Variants in MAML2 observed in about 807,000 individuals in gnomAD.
The protein encoded by MAML2 is mastermind like transcriptional coactivator 2.
MAML2 carries 22 observed loss-of-function variants against 96.1 expected under a neutral mutation model. The observed-to-expected ratio is 0.23, with a 90% CI of 0.16 to 0.33. The LOEUF (loss-of-function observed/expected upper bound fraction) is 0.33. Ranked by LOEUF, MAML2 falls within the 10% of genes least tolerant of loss-of-function variation. The pLI is 1.00. For missense variants in MAML2, 1,367 were observed against 1,392.4 expected, an observed-to-expected ratio of 0.98 and a Z score of 0.29; for synonymous variants, 561 against 521.3, an observed-to-expected ratio of 1.08 and a Z score of -1.04.
intron 2 of MAML2, among the ~76,000 whole-genome samples, chr11:96,063,150 A>G (rs1305797612): frequency 6.6e-6 from 1 of 151,952 alleles, no homozygotes; most frequent in Non-Finnish European, 1.5e-5. Context: ...CCTTGCACGC[A>G]TTGCTCCTTG....
intron 2 of MAML2, among the ~76,000 whole-genome samples, chr11:96,030,834 G>T (rs1285193059): frequency 6.6e-6 from 1 of 152,162 alleles, no homozygotes; most frequent in East Asian, 1.9e-4. Flanking sequence ...GGAACCCAAG[G>T]CTACATCAAG....
intron 1 of MAML2, among the ~76,000 whole-genome samples, chr11:96,128,604 A>C (rs1345795311): frequency 1.3e-5 from 2 of 152,188 alleles, no homozygotes; most frequent in African/African-American, 4.8e-5. Context: ...CCTATTTATC[A>C]GGTTTACATG....
At chr11:96,161,457 G>A (rs796992845) in intron 1 of MAML2, among the ~76,000 whole-genome samples, 12 of 152,152 alleles carry the variant, frequency 7.9e-5, no homozygotes, top group African/African-American at 2.2e-4. Flanking sequence ...CCTGTAAAAC[G>A]GACAGAGGAA....
rs75118030 is a variant in MAML2 at position 96,234,619 on chromosome 11, T to G, written c.513+106764A>C. On this transcript the variant is annotated intron_variant, in intron 1 of 4. Coordinates refer to ENST00000524717, the MANE Select transcript of MAML2 (RefSeq NM_032427.4). ...AGATGTCTCTCCCTCTCTTTCTGTCTGTCTCTTTTTCTATCTGTATCTCTA... is the reference window on the plus strand; with the variant it reads ...AGATGTCTCTCCCTCTCTTTCTGTCGGTCTCTTTTTCTATCTGTATCTCTA... 5.3e-4 allele frequency among the ~76,000 whole-genome samples: 81 copies of G among 152,354 alleles called. No individual in the cohort carries two copies. The East Asian group carries it at 0.015, about 28-fold the overall frequency.
intron 1 of MAML2, among the ~76,000 whole-genome samples, chr11:96,265,716 T>TCACCAGCAGG (rs1479011375): frequency 1.3e-5 from 2 of 152,162 alleles, no homozygotes; most frequent in Non-Finnish European, 2.9e-5. Context: ...TGAGTGGAAC[T>TCACCAGCAGG]CACCAGCAGG....
intron 1 of MAML2, among the ~76,000 whole-genome samples, chr11:96,220,490 A>G (rs1166169989): frequency 6.6e-6 from 1 of 152,092 alleles, no homozygotes; most frequent in East Asian, 1.9e-4. Flanking sequence ...TTTCTAAGTC[A>G]TCAGTGAGGA....
intron 1 of MAML2, among the ~76,000 whole-genome samples, chr11:96,304,232 C>T (rs1863432959): frequency 6.6e-6 from 1 of 152,112 alleles, no homozygotes; most frequent in Admixed American, 6.6e-5. Flanking sequence ...ACTCTCTCAC[C>T]CCTTAGAATA....
chr11:96,053,482 A>C (rs894101082), intron 2 of MAML2, among the ~76,000 whole-genome samples: 1 of 152,222 alleles, frequency 6.6e-6, no homozygotes, highest in African/African-American at 2.4e-5. Context: ...TGTGGCAGAG[A>C]ATAGACCAGC....
chr11:96,046,114 C>A (rs990822715), intron 2 of MAML2, among the ~76,000 whole-genome samples: 1 of 151,998 alleles, frequency 6.6e-6, no homozygotes, highest in Non-Finnish European at 1.5e-5. Flanking sequence ...CAGGAGTATG[C>A]GTCTGAGTTG....
intron 2 of MAML2, among the ~76,000 whole-genome samples, chr11:96,065,188 C>T (rs1167023316): frequency 2.0e-5 from 3 of 152,102 alleles, no homozygotes; most frequent in Non-Finnish European, 2.9e-5. Context: ...TTTTAAAAAG[C>T]TTCAAGAAAA....
chr11:96,342,305 C>A lies in MAML2; in HGVS notation c.-410G>T. ...TCCAGCAAGAGACAGAAACACACAG[C>A]AAAAGGTATTGAGAGAGGTATTAAT... On this transcript the variant is annotated 5_prime_UTR_variant, in exon 1 of 5. Coordinates refer to ENST00000524717, the MANE Select transcript of MAML2 (RefSeq NM_032427.4). 2.4e-6 allele frequency: 1 copy of A among 424,734 alleles called. No individual in the cohort carries two copies. Among genetic ancestry groups the A allele is most frequent in the Non-Finnish European group, 4.2e-6 (1 of 240,448 alleles). 26.3% of individuals were successfully genotyped at this position (424,734 alleles called of 1,614,324 possible). A position where few individuals can be genotyped will look rare whatever the true frequency, so the allele number is the denominator to read the frequency against.
At chr11:96,254,002 A>C (rs568553912) in intron 1 of MAML2, among the ~76,000 whole-genome samples, 69 of 152,194 alleles carry the variant, frequency 4.5e-4, no homozygotes, top group Non-Finnish European at 8.7e-4. Flanking sequence ...TATAAGAATA[A>C]ATACAATACA....
In MAML2 at chr11:96,093,172, T is replaced by A. The variant is rs761061535; in HGVS notation, c.859A>T (p.Asn287Tyr). Residue 287 changes from asparagine (N) to tyrosine (Y), a missense_variant, in exon 2 of 5, where the codon AAT becomes TAT. Coordinates refer to ENST00000524717, the MANE Select transcript of MAML2 (RefSeq NM_032427.4). ...TCTCCGTACCTATTAGGAAAAATAT[T>A]CTCTTGGGTCATTTGGCCATCCATG... ...KHMDGQMTQE[N>Y]IFPNRYGDDP... 1 of 1,613,968 alleles carries A rather than the reference T, an allele frequency of 6.2e-7. No homozygotes were observed. Among genetic ancestry groups the A allele is most frequent in the Non-Finnish European group, 8.5e-7 (1 of 1,179,902 alleles).
intron 1 of MAML2, among the ~76,000 whole-genome samples, chr11:96,232,291 G>A (rs942474477): frequency 5.9e-5 from 9 of 152,168 alleles, no homozygotes; most frequent in Admixed American, 5.9e-4. Flanking sequence ...AGTGATCCAA[G>A]AGAACATATA....
At chr11:96,073,788 C>T (rs1378262893) in intron 2 of MAML2, among the ~76,000 whole-genome samples, 2 of 152,132 alleles carry the variant, frequency 1.3e-5, no homozygotes, top group African/African-American at 4.8e-5. Flanking sequence ...CTCTGGTTGG[C>T]TATTTATTTA....
At chr11:96,280,278 G>A (rs1237917716) in intron 1 of MAML2, among the ~76,000 whole-genome samples, 1 of 152,130 alleles carries the variant, frequency 6.6e-6, no homozygotes, top group African/African-American at 2.4e-5. Flanking sequence ...TGGAAAGGGG[G>A]TAATAGTCTA....
intron 4 of MAML2, among the ~76,000 whole-genome samples, chr11:95,981,016 G>A (rs554211477): frequency 3.3e-5 from 5 of 152,176 alleles, no homozygotes; most frequent in Admixed American, 1.3e-4. Flanking sequence ...TGGGAAGTTC[G>A]TGCCATTTGC....
chr11:96,203,539 C>T (rs1861854730), intron 1 of MAML2, among the ~76,000 whole-genome samples: 1 of 152,152 alleles, frequency 6.6e-6, no homozygotes, highest in South Asian at 2.1e-4. Context: ...AGCCGGCAAG[C>T]TGCTAGGAGC....
chr11:96,298,430 G>T lies in MAML2; in HGVS notation c.513+42953C>A, dbSNP rs572695783. Among the ~76,000 whole-genome samples, 6 of 152,288 alleles carry T rather than the reference G, an allele frequency of 3.9e-5. No homozygotes were observed. In the East Asian group the frequency reaches 7.7e-4, roughly 20 times the overall value. ...GTTGAAGGTTAGCCTTGAACCAGAA[G>T]AAGAACATCCTTTCCTCTGAGACTC... On this transcript the variant is annotated intron_variant, in intron 1 of 4. Transcript: ENST00000524717.
Sources: gnomAD v4.1 joint callset for allele counts (sites outside exome capture counted in the v4.1 genomes callset) on GRCh38, gnomAD v4.1.1 for gene constraint, MANE v1.5 for transcripts, NCBI Gene and HGNC (gene_info 2026-07-23, HGNC 2026-07-21) for gene names.